MSH4: variants seen among roughly 807,000 people sequenced by gnomAD.
MSH4 encodes the protein mutS homolog 4.
In MSH4, 106 loss-of-function variants were observed where a neutral mutation model predicts 113.7. The ratio of observed to expected loss-of-function variants is 0.93; its 90% CI spans 0.80 to 1.10. The LOEUF is 1.10. Ranked by LOEUF, MSH4 falls within the 50% of genes least tolerant of loss-of-function variation. MSH4 has a pLI of 0.00. For missense variants in MSH4, 1,061 were observed against 1,093.7 expected, an observed-to-expected ratio of 0.97 and a Z score of 0.42; for synonymous variants, 368 against 380.2, an observed-to-expected ratio of 0.97 and a Z score of 0.37.
At position 75,912,674 on chromosome 1, in the gene MSH4, ATT is replaced by A. The variant is rs3037163; in HGVS notation, c.2620-11_2620-10del. The A allele has an allele frequency of 0.25, 160,433 of 646,922 alleles. 11,312 individuals carry two copies. Among genetic ancestry groups the A allele is most frequent in the East Asian group, 0.37 (10,088 of 26,914 alleles). 40.1% of individuals were successfully genotyped at this position (646,922 alleles called of 1,614,324 possible). A position where few individuals can be genotyped will look rare whatever the true frequency, so the allele number is the denominator to read the frequency against. On this transcript the variant is annotated intron_variant, in intron 19 of 19. Coordinates refer to ENST00000263187, the MANE Select transcript of MSH4 (RefSeq NM_002440.4). ...ATGGTATTTGTGTATATATATATAT[ATT>A]TTTTTTTTTTCAATGACAGCAAAAC...
intron 8 of MSH4, among the ~76,000 whole-genome samples, chr1:75,854,013 G>GTATA (rs59347058): frequency 3.1e-4 from 36 of 116,846 alleles, no homozygotes; most frequent in Middle Eastern, 4.8e-3. Flanking sequence ...GTGTGTGTGT[G>GTATA]TATATATATA....
intron 7 of MSH4, among the ~76,000 whole-genome samples, chr1:75,827,762 G>A (rs1650589074): frequency 6.6e-6 from 1 of 151,716 alleles, no homozygotes; most frequent in Admixed American, 6.6e-5. Context: ...GACAAAGAAG[G>A]GCATTATATA....
intron 1 of MSH4, among the ~76,000 whole-genome samples, chr1:75,802,611 G>A (rs1221166529): frequency 7.9e-5 from 12 of 152,110 alleles, no homozygotes; most frequent in Non-Finnish European, 1.5e-4. Context: ...CCTAAATAAG[G>A]AACTGAAGCC....
chr1:75,824,594 T>C (rs796610876), intron 7 of MSH4, among the ~76,000 whole-genome samples: 12 of 152,332 alleles, frequency 7.9e-5, no homozygotes, highest in African/African-American at 2.9e-4. Flanking sequence ...CTAGGGTTTG[T>C]ATGGTTTTAG....
At chr1:75,828,244 T>C (rs187343926) in intron 7 of MSH4, among the ~76,000 whole-genome samples, 8 of 152,278 alleles carry the variant, frequency 5.3e-5, no homozygotes, top group Non-Finnish European at 1.2e-4. Flanking sequence ...TGGAAAGCAG[T>C]TTGGAGATTT....
chr1:75,798,768 G>A (rs75962451), intron 1 of MSH4, among the ~76,000 whole-genome samples: 1,953 of 151,630 alleles, frequency 0.013, 40 homozygotes, highest in African/African-American at 0.045. Context: ...ACGTTGCCCA[G>A]CCTGGTCTCG....
intron 7 of MSH4, among the ~76,000 whole-genome samples, chr1:75,846,200 T>G (rs772564401): frequency 2.4e-4 from 36 of 152,214 alleles, no homozygotes; most frequent in Non-Finnish European, 4.1e-4. Flanking sequence ...GAAATGTTTT[T>G]GGGGTCATTC....
intron 1 of MSH4, 131 bp downstream of exon 1, chr1:75,797,360 T>C: frequency 7.9e-7 from 1 of 1,269,122 alleles, no homozygotes; most frequent in Non-Finnish European, 1.1e-6. Flanking sequence ...CTGAGTGCCC[T>C]GGGAATTTGG....
chr1:75,800,943 G>A, intron 1 of MSH4, among the ~76,000 whole-genome samples: 1 of 138,712 alleles, frequency 7.2e-6, no homozygotes, highest in African/African-American at 2.4e-5. Flanking sequence ...TAGTGTGACT[G>A]AGGAACAGAA....
intron 17 of MSH4, among the ~76,000 whole-genome samples, chr1:75,893,989 G>A (rs1652317208): frequency 6.6e-6 from 1 of 152,152 alleles, no homozygotes; most frequent in Admixed American, 6.5e-5. Context: ...GAATGTTAGA[G>A]TGGGTTTGTC....
In MSH4 at chr1:75,816,365, T is replaced by C. The variant is rs1650292772; in HGVS notation, c.816-8T>C. On this transcript the variant is annotated splice_region_variant and splice_polypyrimidine_tract_variant and intron_variant, in intron 5 of 19. Transcript: ENST00000263187. The stretch of plus-strand genomic sequence containing the variant: ...ACTTATAGTGATGTATTATTGGTCA[T>C]CTTTTAGGTATTACTGCCTTGCAGC... 6.3e-7 allele frequency: 1 copy of C among 1,584,766 alleles called. No individual in the cohort carries two copies.
At position 75,807,065 on chromosome 1, in the gene MSH4, T is replaced by C. The variant is rs1361940760; in HGVS notation, c.512T>C (p.Ile171Thr). The change falls in exon 3 of 20, where the codon ATA becomes ACA. Residue 171 changes from isoleucine (I) to threonine (T), a missense_variant. Ile to Thr is a moderately conservative substitution (Grantham distance 89, BLOSUM62 -1). Coordinates refer to ENST00000263187, the MANE Select transcript of MSH4 (RefSeq NM_002440.4). ...GGGAGAGGACTTGCCAGAGGTGAAA[T>C]AGGAATGGCAAGTATTGATTTAAAA... ...VEGRGLARGE[I>T]GMASIDLKNP... The C allele has an allele frequency of 1.9e-6, 3 of 1,591,266 alleles. No individual in the cohort carries two copies. Among genetic ancestry groups the C allele is most frequent in the South Asian group, 1.2e-5 (1 of 85,982 alleles).
Position 75,816,381 on chromosome 1 carries a change from G to A in MSH4, c.824G>A (p.Cys275Tyr), listed in dbSNP as rs1303407190. The change falls in exon 6 of 20, where the codon TGC becomes TAC. Residue 275 changes from cysteine (C) to tyrosine (Y), a missense_variant. Physicochemically the swap from Cys to Tyr is radical, Grantham distance 194. Transcript: ENST00000263187. ...TATTGGTCATCTTTTAGGTATTACT[G>A]CCTTGCAGCTGTTGCAGCTTTGTTA... The part of the protein sequence containing the change: ...VLMEVQSKYY[C>Y]LAAVAALLKY... 6 of 1,600,968 alleles carry A rather than the reference G, an allele frequency of 3.7e-6. 1 individual carries two copies. The highest frequency in any genetic ancestry group is 4.3e-6 in the Non-Finnish European group (5 of 1,172,032).
intron 18 of MSH4, 77 bp downstream of exon 18, chr1:75,898,158 C>G (rs1012554899): frequency 3.5e-5 from 35 of 1,011,862 alleles, no homozygotes; most frequent in African/African-American, 4.9e-5. Flanking sequence ...CTCTTCTTTA[C>G]TTGGCTGTTA....
chr1:75,910,225 T>A (rs1039894334), intron 19 of MSH4, among the ~76,000 whole-genome samples: 1 of 152,176 alleles, frequency 6.6e-6, no homozygotes, highest in East Asian at 1.9e-4. Context: ...AGTTTTCTCT[T>A]AAATACCAAC....
At chr1:75,845,207 A>G (rs1651050010) in intron 7 of MSH4, among the ~76,000 whole-genome samples, 1 of 152,186 alleles carries the variant, frequency 6.6e-6, no homozygotes, top group African/African-American at 2.4e-5. Context: ...GCTCCCTCAA[A>G]TTCATGTCCT....
chr1:75,906,514 A>ATACATATTACATATATTATATATGT (rs370543895), intron 19 of MSH4, among the ~76,000 whole-genome samples: 1 of 1,254 alleles, frequency 8.0e-4, no homozygotes, highest in African/African-American at 2.9e-3. Context: ...TATAATATAT[A>ATACATATTACATATATTATATATGT]ATATGTATAT....
Position 75,803,886 on chromosome 1 carries a change from A to G in MSH4, c.400A>G (p.Ser134Gly). 1 of 1,561,912 alleles carries G rather than the reference A, an allele frequency of 6.4e-7. No homozygotes were observed. The highest frequency in any genetic ancestry group is 8.6e-7 in the Non-Finnish European group (1 of 1,157,316). The change falls in exon 2 of 20, where the codon AGC becomes GGC. Residue 134 changes from serine to glycine, a missense_variant. By Grantham distance (56) the Ser-to-Gly change is moderately conservative. Transcript: ENST00000263187. ...TGNPQRSGYKSWTPQVGYSAS... is the reference protein window; with the variant it reads ...TGNPQRSGYKGWTPQVGYSAS... ...AAATCCTCAGAGATCAGGTTATAAG[A>G]GCTGGACACCACAAGTGGGATATTC...
At position 75,810,383 on chromosome 1, in the gene MSH4, A is replaced by G. The variant is rs1285128478; in HGVS notation, c.589-314A>G. On this transcript the variant is annotated intron_variant, in intron 3 of 19. Coordinates refer to ENST00000263187, the MANE Select transcript of MSH4 (RefSeq NM_002440.4). ...CTCCTGAGTAGCTGGGATTACAGGC[A>G]TGCACCACCATGCTCGGGTAATTTT... Among the ~76,000 whole-genome samples, 3 of 147,862 alleles carry G rather than the reference A, an allele frequency of 2.0e-5. No homozygotes were observed. The Admixed American group carries it at 2.0e-4, about 10-fold the overall frequency.
Sources: allele counts gnomAD v4.1 joint callset (sites outside exome capture counted in the v4.1 genomes callset), GRCh38; gene constraint gnomAD v4.1.1; transcripts MANE v1.5; gene names NCBI Gene and HGNC (gene_info 2026-07-23, HGNC 2026-07-21).